The following ZCCHC7 variants were observed in gnomAD, a reference collection of about 807,000 sequenced individuals.
ZCCHC7 encodes the protein zinc finger CCHC-type containing 7.
In ZCCHC7, 35 loss-of-function variants were observed where a neutral mutation model predicts 52.0. The observed-to-expected ratio is 0.67, with a 90% CI of 0.51 to 0.89. The LOEUF is 0.89. ZCCHC7 is among the 40% of genes least tolerant of loss of function. ZCCHC7 has a pLI of 0.00. For synonymous variants in ZCCHC7, 217 were observed against 221.5 expected (o/e 0.98, Z 0.18); for missense variants, 574 against 649.1 (o/e 0.88, Z 1.26).
intron 4 of ZCCHC7, among the ~76,000 whole-genome samples, chr9:37,304,810 TATC>T: frequency 6.6e-6 from 1 of 152,200 alleles, no homozygotes; most frequent in Admixed American, 6.5e-5. Context: ...AATTTTAACT[TATC>T]ATTACTAGTT....
intron 1 of ZCCHC7, among the ~76,000 whole-genome samples, chr9:37,123,135 A>G (rs1230700687): frequency 6.6e-6 from 1 of 151,506 alleles, no homozygotes; most frequent in Non-Finnish European, 1.5e-5. Flanking sequence ...CCTAGTTAGT[A>G]TACTTGGGAA....
intron 5 of ZCCHC7, among the ~76,000 whole-genome samples, chr9:37,319,283 G>A (rs1308714384): frequency 6.6e-6 from 1 of 151,964 alleles, no homozygotes; most frequent in Admixed American, 6.6e-5. Flanking sequence ...TCTTCAGTTG[G>A]GTATGTGATT....
intron 2 of ZCCHC7, among the ~76,000 whole-genome samples, chr9:37,268,435 T>A (rs1233503816): frequency 6.7e-6 from 1 of 149,580 alleles, no homozygotes; most frequent in Non-Finnish European, 1.5e-5. Flanking sequence ...AAATTTCTAT[T>A]TTTTTTTTTG....
chr9:37,163,385 CAAAAA>C (rs1022187626), intron 2 of ZCCHC7, among the ~76,000 whole-genome samples: 3 of 77,172 alleles, frequency 3.9e-5, no homozygotes, highest in South Asian at 4.9e-4. Context: ...GACTCCATCT[CAAAAA>C]AAAAAAAAAA....
At chr9:37,161,448 TC>T in intron 2 of ZCCHC7, among the ~76,000 whole-genome samples, 1 of 151,798 alleles carries the variant, frequency 6.6e-6, no homozygotes, top group East Asian at 2.0e-4. Flanking sequence ...GGTGGCAGCC[TC>T]CTGTAGTCCC....
chr9:37,160,644 T>C (rs931710056), intron 2 of ZCCHC7, among the ~76,000 whole-genome samples: 1 of 152,114 alleles, frequency 6.6e-6, no homozygotes, highest in Non-Finnish European at 1.5e-5. Flanking sequence ...CCCAGCACTT[T>C]GGGAGGCGAG....
chr9:37,216,162 C>G (rs913037039), intron 2 of ZCCHC7, among the ~76,000 whole-genome samples: 1 of 152,040 alleles, frequency 6.6e-6, no homozygotes, highest in African/African-American at 2.4e-5. Context: ...TCTTTACTAA[C>G]GAGGTCATAT....
chr9:37,226,227 C>T (rs928851953), intron 2 of ZCCHC7, among the ~76,000 whole-genome samples: 2 of 151,758 alleles, frequency 1.3e-5, no homozygotes, highest in African/African-American at 2.4e-5. Context: ...TAATAGTAAT[C>T]ATAGCAAAAA....
At chr9:37,199,514 C>G (rs578140875) in intron 2 of ZCCHC7, among the ~76,000 whole-genome samples, 4 of 150,914 alleles carry the variant, frequency 2.7e-5, no homozygotes, top group South Asian at 2.1e-4. Context: ...TGTAATTTTA[C>G]TAGACACAGG....
At chr9:37,190,317 TTCTA>T (rs1822952635) in intron 2 of ZCCHC7, among the ~76,000 whole-genome samples, 1 of 152,178 alleles carries the variant, frequency 6.6e-6, no homozygotes, top group South Asian at 2.1e-4. Flanking sequence ...ATTTTCTTCA[TTCTA>T]TCTAAGTATT....
intron 2 of ZCCHC7, among the ~76,000 whole-genome samples, chr9:37,233,163 AAT>A (rs1349307824): frequency 1.3e-5 from 2 of 152,214 alleles, no homozygotes; most frequent in Non-Finnish European, 2.9e-5. Context: ...GCATGTAGAA[AAT>A]ATTTTAAGTC....
At chr9:37,167,472 G>T (rs1433963238) in intron 2 of ZCCHC7, among the ~76,000 whole-genome samples, 1 of 152,144 alleles carries the variant, frequency 6.6e-6, no homozygotes, top group Non-Finnish European at 1.5e-5. Flanking sequence ...GAATATAGTT[G>T]TAACAATGGT....
chr9:37,216,413 G>T (rs1422220987), intron 2 of ZCCHC7, among the ~76,000 whole-genome samples: 6 of 152,150 alleles, frequency 3.9e-5, no homozygotes, highest in Non-Finnish European at 8.8e-5. Context: ...GGTGGCTCAC[G>T]CCTGTAATCC....
At chr9:37,271,213 T>G (rs1305770881) in intron 2 of ZCCHC7, among the ~76,000 whole-genome samples, 1 of 152,208 alleles carries the variant, frequency 6.6e-6, no homozygotes, top group Non-Finnish European at 1.5e-5. Context: ...AATCTACATA[T>G]AATCAGGCTT....
At chr9:37,346,989 C>G (rs1821019366) in intron 6 of ZCCHC7, among the ~76,000 whole-genome samples, 2 of 151,790 alleles carry the variant, frequency 1.3e-5, no homozygotes, top group South Asian at 4.1e-4. Context: ...GGGGAAGACC[C>G]TGTCCAAAAA....
At chr9:37,177,787 A>G (rs888044959) in intron 2 of ZCCHC7, among the ~76,000 whole-genome samples, 5 of 152,104 alleles carry the variant, frequency 3.3e-5, no homozygotes, top group African/African-American at 1.2e-4. Flanking sequence ...ACATCAAACA[A>G]ATCCCAATTT....
chr9:37,283,665 A>T (rs1389056588), intron 2 of ZCCHC7, among the ~76,000 whole-genome samples: 1 of 152,126 alleles, frequency 6.6e-6, no homozygotes. Flanking sequence ...TAGGCACCTC[A>T]GTTAGATCAT....
intron 2 of ZCCHC7, among the ~76,000 whole-genome samples, chr9:37,212,884 G>GTT (rs146688107): frequency 6.6e-6 from 1 of 151,480 alleles, no homozygotes; most frequent in African/African-American, 2.4e-5. Flanking sequence ...TGGGGTCATT[G>GTT]TTTTTTTTAC....
intron 2 of ZCCHC7, among the ~76,000 whole-genome samples, chr9:37,264,473 A>G (rs906402889): frequency 2.6e-5 from 4 of 151,704 alleles, no homozygotes; most frequent in Non-Finnish European, 5.9e-5. Context: ...TTTTTTGTGG[A>G]GGGCAGAGAA....
Sources: allele counts gnomAD v4.1 joint callset (sites outside exome capture counted in the v4.1 genomes callset), GRCh38; gene constraint gnomAD v4.1.1; transcripts MANE v1.5; gene names NCBI Gene and HGNC (gene_info 2026-07-23, HGNC 2026-07-21).